USP4: variants seen among roughly 807,000 people sequenced by gnomAD.
USP4 encodes the protein ubiquitin carboxyl-terminal hydrolase 4.
USP4 carries 72 observed loss-of-function variants against 118.2 expected under a neutral mutation model. That is an observed-to-expected ratio of 0.61 (90% CI 0.50 to 0.74). The LOEUF is 0.74. USP4 is among the 30% of genes least tolerant of loss of function. The pLI is 0.00. For synonymous variants in USP4, 415 were observed against 440.4 expected, an observed-to-expected ratio of 0.94 and a Z score of 0.72; for missense variants, 1,037 against 1,185.7, an observed-to-expected ratio of 0.87 and a Z score of 1.84.
chr3:49,339,647 G>C (rs533193895), intron 1 of USP4, among the ~76,000 whole-genome samples: 13 of 152,240 alleles, frequency 8.5e-5, no homozygotes, highest in Admixed American at 4.6e-4. Flanking sequence ...CCCACCCTTA[G>C]GGTCCCCACC....
intron 10 of USP4, among the ~76,000 whole-genome samples, chr3:49,301,152 A>G (rs2047259233): frequency 6.6e-6 from 1 of 151,916 alleles, no homozygotes; most frequent in Non-Finnish European, 1.5e-5. Context: ...TGTTGACCAG[A>G]CAGTTCTAGA....
intron 19 of USP4, 99 bp from the exon 20 acceptor site, chr3:49,280,946 C>T: frequency 1.2e-6 from 1 of 864,754 alleles, no homozygotes; most frequent in East Asian, 2.7e-5. Context: ...GGGCAGAACA[C>T]AGGGAGGCAC....
intron 2 of USP4, among the ~76,000 whole-genome samples, chr3:49,332,404 G>A (rs1449829301): frequency 2.0e-5 from 3 of 151,230 alleles, no homozygotes; most frequent in Admixed American, 6.6e-5. Context: ...GCTGCAGTGA[G>A]CTGTGATCAC....
In USP4 at chr3:49,297,861, A is replaced by C. The variant is rs947518734; in HGVS notation, c.1691+9T>G. The C allele has an allele frequency of 6.2e-7, 1 of 1,609,422 alleles. No individual in the cohort carries two copies. The highest frequency in any genetic ancestry group is 8.5e-7 in the Non-Finnish European group (1 of 1,175,798). ...ACCTGACCTGCAGCAGAAACTGCTG[A>C]GTACTCACACGAAAATGTCATCCCG... On this transcript the variant is annotated intron_variant, in intron 13 of 21. Transcript: ENST00000265560.
chr3:49,285,523 G>C (rs1423772633), intron 16 of USP4, among the ~76,000 whole-genome samples: 1 of 152,126 alleles, frequency 6.6e-6, no homozygotes, highest in Non-Finnish European at 1.5e-5. Context: ...GTGCACACCT[G>C]TAGTCTCAGC....
At chr3:49,309,344 C>T (rs2107786424) in intron 8 of USP4, among the ~76,000 whole-genome samples, 1 of 152,294 alleles carries the variant, frequency 6.6e-6, no homozygotes, top group South Asian at 2.1e-4. Flanking sequence ...TGGACTTTAA[C>T]TCCTTGCAGC....
chr3:49,280,141 T>C (rs1312594122), intron 20 of USP4, among the ~76,000 whole-genome samples: 1 of 151,828 alleles, frequency 6.6e-6, no homozygotes, highest in African/African-American at 2.4e-5. Flanking sequence ...CGCACACCTG[T>C]AATCCCAGCT....
At chr3:49,312,530 G>A in intron 6 of USP4, 1 of 452,594 alleles carries the variant, frequency 2.2e-6, no homozygotes, top group Non-Finnish European at 4.4e-6. Context: ...TGAGGCAGGA[G>A]AATTGCTTGA....
At position 49,311,564 on chromosome 3, in the gene USP4, A is replaced by G. The variant is rs2047383105; in HGVS notation, c.786T>C (p.Asn262=). 1 of 1,613,942 alleles carries G rather than the reference A, an allele frequency of 6.2e-7. No individual in the cohort carries two copies. Among genetic ancestry groups the G allele is most frequent in the Non-Finnish European group, 8.5e-7 (1 of 1,179,888 alleles). ...TCCCACAGGTGCTAGTGCTATCACC[A>G]TTTGCAATGAGAGAGGCAGACACTG... is the stretch of plus-strand genomic sequence containing the variant. ...YSSVSASLIA[N]GDSTSTCGMH... The change falls in exon 7 of 22, where the codon AAT becomes AAC. Residue 262 remains asparagine, a synonymous_variant. Coordinates refer to ENST00000265560, the MANE Select transcript of USP4 (RefSeq NM_003363.4).
chr3:49,316,356 C>T (rs1484741174), intron 6 of USP4, among the ~76,000 whole-genome samples: 5 of 152,108 alleles, frequency 3.3e-5, no homozygotes, highest in Non-Finnish European at 5.9e-5. Context: ...GGTCCAATCT[C>T]AGCTCACTGC....
At chr3:49,301,516 CCTCT>C (rs1223396249) in intron 10 of USP4, among the ~76,000 whole-genome samples, 2 of 151,828 alleles carry the variant, frequency 1.3e-5, no homozygotes, top group Non-Finnish European at 2.9e-5. Flanking sequence ...GGTGAAACCC[CCTCT>C]CTACTAAAAA....
At chr3:49,280,132 G>A (rs558907199) in intron 20 of USP4, among the ~76,000 whole-genome samples, 16 of 152,072 alleles carry the variant, frequency 1.1e-4, no homozygotes, top group East Asian at 3.9e-4. Context: ...GTGTGGTGGC[G>A]CACACCTGTA....
intron 18 of USP4, 83 bp from the exon 19 acceptor site, chr3:49,284,219 T>A: frequency 6.5e-7 from 1 of 1,543,348 alleles, no homozygotes; most frequent in Non-Finnish European, 8.9e-7. Flanking sequence ...ACAGCTGCAG[T>A]CCCCTGATAG....
chr3:49,305,556 C>T (rs1469340075), intron 9 of USP4, among the ~76,000 whole-genome samples, 159 bp downstream of exon 9: 2 of 151,842 alleles, frequency 1.3e-5, no homozygotes, highest in Non-Finnish European at 2.9e-5. Flanking sequence ...GAAATGCTCA[C>T]TGAAACATTT....
intron 1 of USP4, among the ~76,000 whole-genome samples, chr3:49,339,719 A>G (rs2047716728): frequency 6.6e-6 from 1 of 152,026 alleles, no homozygotes; most frequent in Non-Finnish European, 1.5e-5. Flanking sequence ...CTAGGGCTCC[A>G]AATGAACTGA....
At position 49,325,570 on chromosome 3, in the gene USP4, C is replaced by T. The variant is rs1166403323; in HGVS notation, c.487+149G>A. On this transcript the variant is annotated intron_variant, in intron 4 of 21. Transcript: ENST00000265560. ...CATAAGAATTCCTGGAGGAATAGGC[C>T]CCCAGGTCAGGACTGGCAACTACAG... The T allele has an allele frequency of 9.6e-6, 11 of 1,141,968 alleles. No homozygotes were observed. In the Admixed American group the frequency reaches 2.4e-4, roughly 25 times the overall value. 70.7% of individuals were successfully genotyped at this position (1,141,968 alleles called of 1,614,324 possible).
rs768323637 is a variant in USP4 at position 49,297,956 on chromosome 3, G to A, written c.1605C>T (p.Val535=). Residue 535 remains valine (V), a synonymous_variant, in exon 13 of 22, where the codon GTC becomes GTT. Transcript: ENST00000265560. ...GGAATCGGTGATTATACACATCTGC[G>A]ACCACCATCTAAGAATGAACAGTAA... ...LSGIAAENMV[V]ADVYNHRFHK... is the part of the protein sequence containing the mutation. The A allele has an allele frequency of 1.6e-5, 25 of 1,611,300 alleles. No homozygotes were observed. Among genetic ancestry groups the A allele is most frequent in the African/African-American group, 6.7e-5 (5 of 74,756 alleles).
At chr3:49,320,209 C>T (rs747199968) in intron 6 of USP4, among the ~76,000 whole-genome samples, 34 of 152,210 alleles carry the variant, frequency 2.2e-4, no homozygotes, top group Non-Finnish European at 3.7e-4. Flanking sequence ...GTATAAGCCA[C>T]CATGCCTGAC....
chr3:49,297,193 T>A (rs1470829236), intron 13 of USP4, among the ~76,000 whole-genome samples: 1 of 152,174 alleles, frequency 6.6e-6, no homozygotes, highest in Non-Finnish European at 1.5e-5. Flanking sequence ...CCATACTTCC[T>A]GGGCAAGTGG....
Sources: allele counts gnomAD v4.1 joint callset (sites outside exome capture counted in the v4.1 genomes callset), GRCh38; gene constraint gnomAD v4.1.1; transcripts MANE v1.5; gene names NCBI Gene and HGNC (gene_info 2026-07-23, HGNC 2026-07-21).